SCN11A: variants seen among roughly 807,000 people sequenced by gnomAD.
SCN11A encodes the protein sodium channel protein type 11 subunit alpha.
In SCN11A, 122 loss-of-function variants were observed where a neutral mutation model predicts 162.2. That is an observed-to-expected ratio of 0.75 (90% CI 0.65 to 0.87). The LOEUF (loss-of-function observed/expected upper bound fraction) is 0.87. Ranked by LOEUF, SCN11A falls within the 40% of genes least tolerant of loss-of-function variation. The pLI is 0.00. For synonymous variants in SCN11A, 758 were observed against 751.5 expected (o/e 1.01, Z -0.14); for missense variants, 2,015 against 2,181.6 (o/e 0.92, Z 1.52).
chr3:38,980,232 G>C (rs1361006082), intron 2 of SCN11A, among the ~76,000 whole-genome samples: 1 of 149,188 alleles, frequency 6.7e-6, no homozygotes, highest in Non-Finnish European at 1.5e-5. Context: ...TGCTTTCTTT[G>C]AGAAAAAAAA....
At chr3:38,998,628 T>A (rs111571106) in intron 2 of SCN11A, among the ~76,000 whole-genome samples, 6,514 of 152,104 alleles carry the variant, frequency 0.043, 260 homozygotes, top group African/African-American at 0.1. Flanking sequence ...TGCGACACTA[T>A]TCACAATAGC....
At chr3:39,034,143 CAGAGTGAGACTCCATCTCA>C (rs1438469546) in intron 1 of SCN11A, among the ~76,000 whole-genome samples, 1 of 152,072 alleles carries the variant, frequency 6.6e-6, no homozygotes, top group Admixed American at 6.5e-5. Flanking sequence ...GCCTGGACAA[CAGAGTGAGACTCCATCTCA>C]AAAACAAAAC....
chr3:38,887,130 C>G (rs987049927), intron 19 of SCN11A, among the ~76,000 whole-genome samples: 2 of 152,090 alleles, frequency 1.3e-5, no homozygotes, highest in African/African-American at 4.8e-5. Flanking sequence ...TTTATGTGGT[C>G]ATATGTTTTC....
intron 7 of SCN11A, among the ~76,000 whole-genome samples, chr3:38,942,943 G>A (rs956984631): frequency 5.3e-5 from 8 of 152,018 alleles, no homozygotes; most frequent in African/African-American, 1.7e-4. Flanking sequence ...TATACTTATC[G>A]CAGGGCCCAG....
chr3:38,935,650 A>C (rs577856583), intron 7 of SCN11A, among the ~76,000 whole-genome samples: 1 of 152,352 alleles, frequency 6.6e-6, no homozygotes, highest in East Asian at 1.9e-4. Flanking sequence ...ATTCCTCGAC[A>C]CATACACCCT....
chr3:39,049,855 T>C (rs2032280065), intron 1 of SCN11A, among the ~76,000 whole-genome samples: 1 of 152,178 alleles, frequency 6.6e-6, no homozygotes, highest in Admixed American at 6.5e-5. Context: ...AAAATTATCC[T>C]CTGACCCTGA....
chr3:39,012,916 C>T (rs188642861), intron 2 of SCN11A, among the ~76,000 whole-genome samples: 10 of 152,314 alleles, frequency 6.6e-5, no homozygotes, highest in South Asian at 2.1e-4. Context: ...GCAATGCTTA[C>T]GTAATAAATG....
chr3:38,882,709 C>T (rs1363809375), intron 22 of SCN11A, among the ~76,000 whole-genome samples: 1 of 152,124 alleles, frequency 6.6e-6, no homozygotes, highest in African/African-American at 2.4e-5. Context: ...CATTGGGACT[C>T]ATACCACACT....
chr3:38,895,282 A>G (rs1213059435), intron 18 of SCN11A, among the ~76,000 whole-genome samples: 1 of 152,166 alleles, frequency 6.6e-6, no homozygotes. Context: ...TTGAGAGTAC[A>G]TTTCTTGAGG....
chr3:38,852,074 T>C (rs1019976327), intron 28 of SCN11A, among the ~76,000 whole-genome samples: 3 of 152,038 alleles, frequency 2.0e-5, no homozygotes, highest in African/African-American at 4.8e-5. Flanking sequence ...AAGTATGAGT[T>C]TGGAGTGCAG....
intron 1 of SCN11A, among the ~76,000 whole-genome samples, chr3:39,038,496 C>A (rs1302705982): frequency 6.6e-6 from 1 of 152,208 alleles, no homozygotes; most frequent in African/African-American, 2.4e-5. Flanking sequence ...TTGCCCAACA[C>A]CAATATAACC....
chr3:38,886,172 T>C lies in SCN11A; in HGVS notation c.2902A>G (p.Met968Val), dbSNP rs893929045. 1.2e-6 allele frequency: 2 copies of C among 1,613,060 alleles called. No homozygotes were observed. Among genetic ancestry groups the C allele is most frequent in the East Asian group, 2.2e-5 (1 of 44,872 alleles). ...AGATGAGGCTCATCTTCAGAGAACA[T>C]GTCAATTTCCACACTTTGAACTCTC... ...SQRVQSVEIDMFSEDEPHLTI... is the reference protein window; with the variant it reads ...SQRVQSVEIDVFSEDEPHLTI... The change falls in exon 20 of 30, where the codon ATG becomes GTG. Residue 968 changes from methionine to valine, a missense_variant. Transcript: ENST00000302328.
At chr3:38,881,589 C>T (rs1286583592) in intron 22 of SCN11A, among the ~76,000 whole-genome samples, 1 of 152,190 alleles carries the variant, frequency 6.6e-6, no homozygotes, top group Admixed American at 6.5e-5. Context: ...GTTTCTCAAA[C>T]TCTAATGAAC....
At chr3:38,993,831 C>T (rs1016633002) in intron 2 of SCN11A, among the ~76,000 whole-genome samples, 2 of 152,186 alleles carry the variant, frequency 1.3e-5, no homozygotes, top group Non-Finnish European at 2.9e-5. Flanking sequence ...TCTTTTCTGC[C>T]TCCTGCATGC....
rs566614144 is a variant in SCN11A, at chr3:38,905,978, T to C, written c.1474-657A>G. Among the ~76,000 whole-genome samples, 8 of 152,340 alleles carry C rather than the reference T, an allele frequency of 5.3e-5. No homozygotes were observed. In the East Asian group the frequency reaches 1.5e-3, roughly 29 times the overall value. On this transcript the variant is annotated intron_variant, in intron 14 of 29. Transcript: ENST00000302328. ...AGAAAATTTGGGTTTTCCTAGTGGC[T>C]TATTTTCCAAGGGTTCCGACTCACC...
chr3:38,913,447 G>GT (rs898576417), intron 11 of SCN11A, among the ~76,000 whole-genome samples: 7 of 152,024 alleles, frequency 4.6e-5, no homozygotes, highest in African/African-American at 1.2e-4. Context: ...TCTGTTAATA[G>GT]TTTTTTGGTT....
At chr3:38,910,028 G>T in intron 12 of SCN11A, 38 bp downstream of exon 12, 2 of 1,597,676 alleles carry the variant, frequency 1.3e-6, no homozygotes, top group Non-Finnish European at 8.6e-7. Flanking sequence ...AGGATGGAGG[G>T]AGGGAGAGAG....
intron 27 of SCN11A, among the ~76,000 whole-genome samples, chr3:38,866,372 C>T (rs995938144): frequency 6.6e-6 from 1 of 152,100 alleles, no homozygotes; most frequent in East Asian, 1.9e-4. Context: ...GCGTGTACCA[C>T]CACAGCTGGT....
intron 18 of SCN11A, among the ~76,000 whole-genome samples, chr3:38,895,206 TA>T (rs1347184800): frequency 2.0e-5 from 3 of 152,180 alleles, no homozygotes; most frequent in African/African-American, 7.2e-5. Context: ...TTTCCCTACA[TA>T]TAAATAATAT....
Sources: allele counts gnomAD v4.1 joint callset (sites outside exome capture counted in the v4.1 genomes callset), GRCh38; gene constraint gnomAD v4.1.1; transcripts MANE v1.5; gene names NCBI Gene and HGNC (gene_info 2026-07-23, HGNC 2026-07-21).